The following SNAP23 variants were observed in gnomAD, a reference collection of about 807,000 sequenced individuals.
SNAP23 encodes the protein synaptosome associated protein 23, also known as synaptosomal-associated protein 23.
A neutral mutation model predicts 29.0 loss-of-function variants in SNAP23; 11 were observed. The observed-to-expected ratio is 0.38, with a 90% CI of 0.24 to 0.63. SNAP23 has a LOEUF of 0.63. SNAP23 is among the 20% of genes least tolerant of loss of function. SNAP23 has a pLI of 0.58. For missense variants in SNAP23, 220 were observed against 253.9 expected, an observed-to-expected ratio of 0.87 and a Z score of 0.91; for synonymous variants, 60 against 82.9, an observed-to-expected ratio of 0.72 and a Z score of 1.50.
chr15:42,499,042 C>T (rs1317891262), intron 1 of SNAP23, among the ~76,000 whole-genome samples: 1 of 151,654 alleles, frequency 6.6e-6, no homozygotes, highest in Admixed American at 6.6e-5. Context: ...AGGTACAATA[C>T]ACACAAGCCC....
At chr15:42,525,724 A>C (rs569905308) in intron 5 of SNAP23, among the ~76,000 whole-genome samples, 115 of 152,002 alleles carry the variant, frequency 7.6e-4, no homozygotes, top group Non-Finnish European at 1.5e-3. Context: ...GGCCTCCCAA[A>C]GTGCTGGTAT....
intron 5 of SNAP23, among the ~76,000 whole-genome samples, chr15:42,521,240 G>T (rs1207623782): frequency 6.6e-6 from 1 of 151,958 alleles, no homozygotes; most frequent in Non-Finnish European, 1.5e-5. Context: ...AAATTACAAT[G>T]AAAAAATATA....
In SNAP23 at chr15:42,513,436, A is replaced by G. The variant is rs751238982; in HGVS notation, c.137A>G (p.Asp46Gly). The change falls in exon 4 of 8, where the codon GAT becomes GGT. Residue 46 changes from aspartate to glycine, a missense_variant. Physicochemically the swap from Asp to Gly is moderately conservative, Grantham distance 94. Transcript: ENST00000249647. Reference sequence around the variant, plus strand: ...GGAATCAAGACCATCACTATGCTGGATGAACAAAAGGGTAAGTTAAATTAT... The same window carrying G: ...GGAATCAAGACCATCACTATGCTGGGTGAACAAAAGGGTAAGTTAAATTAT... ...DAGIKTITML[D>G]EQKEQLNRIE... 4 of 1,613,346 alleles carry G rather than the reference A, an allele frequency of 2.5e-6. No individual in the cohort carries two copies. Among genetic ancestry groups the G allele is most frequent in the Middle Eastern group, 1.6e-4 (1 of 6,082 alleles).
In SNAP23 at chr15:42,532,621, C is replaced by G. The variant is rs1346019167; in HGVS notation, c.*1143C>G. The stretch of plus-strand genomic sequence containing the variant: ...ATATGTGTAACATGAGAATTTCTCT[C>G]TAAAGCAGGGCTTAAAATTTTTTGG... On this transcript the variant is annotated 3_prime_UTR_variant, in exon 8 of 8. Transcript: ENST00000249647. The G allele has an allele frequency of 6.6e-6, 1 of 152,580 alleles. No individual in the cohort carries two copies. The highest frequency in any genetic ancestry group is 1.5e-5 in the Non-Finnish European group (1 of 68,026). 9.5% of individuals were successfully genotyped at this position (152,580 alleles called of 1,614,324 possible).
intron 5 of SNAP23, among the ~76,000 whole-genome samples, chr15:42,525,199 T>A (rs992359698): frequency 1.3e-5 from 2 of 151,746 alleles, no homozygotes; most frequent in African/African-American, 2.4e-5. Flanking sequence ...AAACCCTGTC[T>A]CTACTAAAAA....
At chr15:42,514,613 T>C (rs2057383808) in intron 4 of SNAP23, among the ~76,000 whole-genome samples, 1 of 152,074 alleles carries the variant, frequency 6.6e-6, no homozygotes, top group African/African-American at 2.4e-5. Context: ...ATAGAAATGA[T>C]GGGGATTTGA....
chr15:42,513,420 A>C lies in SNAP23; in HGVS notation c.121A>C (p.Thr41Pro). 6.2e-7 allele frequency: 1 copy of C among 1,613,892 alleles called. No homozygotes were observed. Among genetic ancestry groups the C allele is most frequent in the Non-Finnish European group, 8.5e-7 (1 of 1,179,792 alleles). The stretch of plus-strand genomic sequence containing the variant: ...TTAGTCTCAGGATGCAGGAATCAAG[A>C]CCATCACTATGCTGGATGAACAAAA... ...AIESQDAGIK[T>P]ITMLDEQKEQ... The change falls in exon 4 of 8, where the codon ACC (threonine) becomes CCC (proline). Residue 41 changes from threonine (T) to proline (P), a missense_variant. Thr to Pro is a conservative substitution (Grantham distance 38). Transcript: ENST00000249647.
chr15:42,512,165 G>C, intron 2 of SNAP23: 1 of 227,382 alleles, frequency 4.4e-6, no homozygotes, highest in Non-Finnish European at 8.5e-6. Flanking sequence ...CTATGTATTT[G>C]AGAAATGCTA....
chr15:42,494,950 T>G (rs1391135982), upstream of SNAP23, among the ~76,000 whole-genome samples: 1 of 152,190 alleles, frequency 6.6e-6, no homozygotes, highest in African/African-American at 2.4e-5. Flanking sequence ...GTGCCCCTAG[T>G]ACAAAGTGGT....
In SNAP23 at chr15:42,528,161, C is replaced by T. The variant is rs2057522028; in HGVS notation, c.267-101C>T. On this transcript the variant is annotated intron_variant, in intron 5 of 7. Transcript: ENST00000249647. ...GACTTAGCTGTATGCAGCTTTTCTA[C>T]TAGAGTTATTAGTGTCATCCTCAAG... 3.4e-5 allele frequency: 32 copies of T among 934,684 alleles called. 1 individual carries two copies. In the South Asian group the frequency reaches 4.8e-4, roughly 14 times the overall value. 57.9% of individuals were successfully genotyped at this position (934,684 alleles called of 1,614,324 possible). A position where few individuals can be genotyped will look rare whatever the true frequency, so the allele number is the denominator to read the frequency against.
At chr15:42,525,163 C>T (rs532950426) in intron 5 of SNAP23, among the ~76,000 whole-genome samples, 8 of 147,620 alleles carry the variant, frequency 5.4e-5, no homozygotes, top group Admixed American at 2.0e-4. Flanking sequence ...GTCAGGAGAT[C>T]GAGACCATCC....
chr15:42,493,833 C>G (rs1044563584), upstream of SNAP23, among the ~76,000 whole-genome samples: 7 of 152,118 alleles, frequency 4.6e-5, no homozygotes, highest in African/African-American at 1.7e-4. Context: ...ACAGAGAAAA[C>G]AAGTCAGCAA....
intron 5 of SNAP23, among the ~76,000 whole-genome samples, chr15:42,519,086 A>C: frequency 7.2e-6 from 1 of 139,398 alleles, no homozygotes; most frequent in African/African-American, 2.7e-5. Flanking sequence ...ACGGAGTCTC[A>C]CTCTGTTGCC....
intron 4 of SNAP23, among the ~76,000 whole-genome samples, chr15:42,514,291 C>T (rs2057381322): frequency 6.6e-6 from 1 of 152,048 alleles, no homozygotes; most frequent in Non-Finnish European, 1.5e-5. Context: ...CAGGTGTCCA[C>T]CACCACACCC....
At chr15:42,492,932 ACAGT>A (rs2057186148), upstream of SNAP23, 1 of 152,238 alleles carries the variant, frequency 6.6e-6, no homozygotes, top group African/African-American at 2.4e-5. Context: ...GTAGAAGACC[ACAGT>A]CAGATATTGG....
chr15:42,496,403 G>A (rs938089489), intron 1 of SNAP23, among the ~76,000 whole-genome samples: 3 of 152,102 alleles, frequency 2.0e-5, no homozygotes, highest in Non-Finnish European at 4.4e-5. Context: ...CTGTATTAGT[G>A]CGTTCTCACA....
At chr15:42,498,608 A>G (rs1340137364) in intron 1 of SNAP23, among the ~76,000 whole-genome samples, 2 of 152,150 alleles carry the variant, frequency 1.3e-5, no homozygotes, top group Non-Finnish European at 2.9e-5. Flanking sequence ...TATGCCCTGG[A>G]GACATTTTTC....
chr15:42,496,656 G>T (rs150998943), intron 1 of SNAP23, among the ~76,000 whole-genome samples: 2,275 of 152,054 alleles, frequency 0.015, 54 homozygotes, highest in African/African-American at 0.052. Flanking sequence ...AACAGAGGTT[G>T]CAGTGAACCG....
chr15:42,503,118 C>CT (rs2057288444), intron 1 of SNAP23, among the ~76,000 whole-genome samples: 1 of 152,036 alleles, frequency 6.6e-6, no homozygotes, highest in African/African-American at 2.4e-5. Context: ...TTTAGTGGGA[C>CT]TTTCCCATTT....
Sources: gnomAD v4.1 joint callset for allele counts (sites outside exome capture counted in the v4.1 genomes callset) on GRCh38, gnomAD v4.1.1 for gene constraint, MANE v1.5 for transcripts, NCBI Gene and HGNC (gene_info 2026-07-23, HGNC 2026-07-21) for gene names.